EML1: variants seen among roughly 807,000 people sequenced by gnomAD.
EML1 encodes the protein echinoderm microtubule-associated protein-like 1.
In EML1, 27 loss-of-function variants were observed where a neutral mutation model predicts 110.4. That is an observed-to-expected ratio of 0.24 (90% CI 0.18 to 0.34). The LOEUF (loss-of-function observed/expected upper bound fraction) is 0.34, where lower values mean the gene tolerates loss of function less well. Ranked by LOEUF, EML1 falls within the 10% of genes least tolerant of loss-of-function variation. The pLI is 1.00. For missense variants in EML1, 741 were observed against 1,030.9 expected (o/e 0.72, Z 3.85); for synonymous variants, 344 against 385.8 (o/e 0.89, Z 1.27).
intron 4 of EML1, among the ~76,000 whole-genome samples, chr14:99,884,496 G>C (rs1301149373): frequency 6.6e-6 from 1 of 152,102 alleles, no homozygotes; most frequent in Admixed American, 6.6e-5. Context: ...TGCCTGCAGG[G>C]CTGCTTTGCT....
At chr14:99,860,605 TG>T (rs200144395) in intron 2 of EML1, among the ~76,000 whole-genome samples, 2 of 152,194 alleles carry the variant, frequency 1.3e-5, no homozygotes, top group East Asian at 3.8e-4. Context: ...GAAAGAAACC[TG>T]GCGTGATGGC....
chr14:99,933,620 C>A (rs1038384163), intron 17 of EML1, among the ~76,000 whole-genome samples: 2 of 152,270 alleles, frequency 1.3e-5, no homozygotes, highest in Non-Finnish European at 2.9e-5. Context: ...GGGTTTCAGC[C>A]AGTTTCAGGA....
chr14:99,911,626 A>G (rs539050926), intron 13 of EML1, 50 bp downstream of exon 13: 1 of 1,573,370 alleles, frequency 6.4e-7, no homozygotes, highest in Admixed American at 2.1e-5. Flanking sequence ...TTAAACTGTT[A>G]TCCTTTTTTT....
At chr14:99,816,959 C>T (rs1191342711) in intron 1 of EML1, among the ~76,000 whole-genome samples, 1 of 152,208 alleles carries the variant, frequency 6.6e-6, no homozygotes, top group Admixed American at 6.5e-5. Context: ...TGCAGACCTT[C>T]CAAATGTGAC....
At chr14:99,898,949 A>G (rs2140011931) in intron 8 of EML1, among the ~76,000 whole-genome samples, 1 of 152,276 alleles carries the variant, frequency 6.6e-6, no homozygotes, top group South Asian at 2.1e-4. Context: ...TGAATGTACA[A>G]CATTTTGCCA....
intron 1 of EML1, among the ~76,000 whole-genome samples, chr14:99,755,923 C>T (rs1234589154): frequency 6.6e-6 from 1 of 152,118 alleles, no homozygotes; most frequent in African/African-American, 2.4e-5. Context: ...ACTTCACAGG[C>T]GAGGAACCCG....
intron 17 of EML1, among the ~76,000 whole-genome samples, chr14:99,932,486 ATAAT>A: frequency 6.6e-6 from 1 of 152,042 alleles, no homozygotes; most frequent in Middle Eastern, 3.4e-3. Flanking sequence ...AAAATACGAA[ATAAT>A]TAGCCAGACG....
At chr14:99,760,693 C>G (rs1322839167) in intron 1 of EML1, among the ~76,000 whole-genome samples, 1 of 152,178 alleles carries the variant, frequency 6.6e-6, no homozygotes, top group African/African-American at 2.4e-5. Flanking sequence ...GACTGGGAGC[C>G]TGCTCAACGC....
rs2060464374 is a variant in EML1, at chr14:99,936,030, T to C, written c.1911T>C (p.Asp637=). The change falls in exon 18 of 22, where the codon GAT becomes GAC. Residue 637 remains aspartate, a splice_region_variant and synonymous_variant. Coordinates refer to ENST00000262233, the MANE Select transcript of EML1 (RefSeq NM_004434.3). The surrounding 1 kb of genome is among the most constrained non-coding windows in gnomAD (Gnocchi z 5.5). ...ATGTAATTTGTCATCTTTTTATAGATGGGAATTTCTTAGCCATAGGCTCAC... is the reference window on the plus strand; with the variant it reads ...ATGTAATTTGTCATCTTTTTATAGACGGGAATTTCTTAGCCATAGGCTCAC... ...EQLSVMRYSP[D]GNFLAIGSHD... The C allele has an allele frequency of 6.2e-7, 1 of 1,613,800 alleles. No homozygotes were observed. Among genetic ancestry groups the C allele is most frequent in the African/African-American group, 1.3e-5 (1 of 75,044 alleles).
intron 1 of EML1, among the ~76,000 whole-genome samples, chr14:99,801,124 A>G (rs2057868695): frequency 6.6e-6 from 1 of 152,252 alleles, no homozygotes; most frequent in South Asian, 2.1e-4. Flanking sequence ...TGGACTGCAG[A>G]TTCTTCCCAC....
intron 3 of EML1, among the ~76,000 whole-genome samples, chr14:99,866,955 G>A (rs987817880): frequency 1.3e-5 from 2 of 152,066 alleles, no homozygotes; most frequent in Non-Finnish European, 2.9e-5. Flanking sequence ...TTAGGTTCAG[G>A]GGGTATGTGT....
At chr14:99,849,183 G>A (rs2058750685) in intron 1 of EML1, among the ~76,000 whole-genome samples, 1 of 151,968 alleles carries the variant, frequency 6.6e-6, no homozygotes, top group African/African-American at 2.4e-5. Context: ...TTCTGGTTTT[G>A]TTACTCTGAA....
At chr14:99,826,436 A>G (rs979708405) in intron 1 of EML1, among the ~76,000 whole-genome samples, 1 of 152,144 alleles carries the variant, frequency 6.6e-6, no homozygotes, top group Non-Finnish European at 1.5e-5. Context: ...TTGAGCAAGA[A>G]AGGGATAGGA....
intron 1 of EML1, among the ~76,000 whole-genome samples, chr14:99,767,418 A>G (rs149739162): frequency 0.018 from 2,712 of 152,364 alleles, 88 homozygotes; most frequent in African/African-American, 0.062. Flanking sequence ...CCTGGCCAAC[A>G]TGGTGAAGCC....
intron 1 of EML1, among the ~76,000 whole-genome samples, chr14:99,753,750 C>T (rs1190572477): frequency 5.9e-5 from 9 of 152,220 alleles, no homozygotes. Context: ...TCTGTTGCTG[C>T]TTGTTGCCAT....
At position 99,910,403 on chromosome 14, in the gene EML1, A is replaced by C; in HGVS notation, c.1339+62A>C. On this transcript the variant is annotated intron_variant, in intron 12 of 21. Transcript: ENST00000262233. The stretch of plus-strand genomic sequence containing the variant: ...GTAATGTTGTAAGAGATCAAACATG[A>C]GTGCTTTAAGAATTGTCTATTAATA... 4.6e-6 allele frequency: 6 copies of C among 1,317,712 alleles called. No homozygotes were observed. In the South Asian group the frequency reaches 6.4e-5, roughly 14 times the overall value. The allele number at this position is 1,317,712 out of a possible 1,614,324, so 81.6% of individuals were successfully genotyped here.
intron 3 of EML1, among the ~76,000 whole-genome samples, chr14:99,872,342 G>T (rs190474035): frequency 1.3e-5 from 2 of 152,158 alleles, no homozygotes; most frequent in Admixed American, 6.5e-5. Flanking sequence ...GAACGAACAC[G>T]TGAAAAATTA....
intron 1 of EML1, among the ~76,000 whole-genome samples, chr14:99,809,882 AT>A (rs1488517929): frequency 6.6e-6 from 1 of 152,172 alleles, no homozygotes; most frequent in Non-Finnish European, 1.5e-5. Flanking sequence ...TGGCTAATGT[AT>A]GGTGTATGCC....
chr14:99,747,017 G>A (rs1227011948), intron 1 of EML1, among the ~76,000 whole-genome samples: 1 of 151,996 alleles, frequency 6.6e-6, no homozygotes. Flanking sequence ...AGATACCCAG[G>A]ATAAGCATGA....
Sources: gnomAD v4.1 joint callset for allele counts (sites outside exome capture counted in the v4.1 genomes callset) on GRCh38, gnomAD v4.1.1 for gene constraint, Gnocchi (gnomAD v3.1) non-coding constraint, MANE v1.5 for transcripts, NCBI Gene and HGNC (gene_info 2026-07-23, HGNC 2026-07-21) for gene names.